TTLL5: variants seen among roughly 807,000 people sequenced by gnomAD.
The protein encoded by TTLL5 is tubulin tyrosine ligase like 5.
In TTLL5, 132 loss-of-function variants were observed where a neutral mutation model predicts 168.4. The observed-to-expected ratio is 0.78, with a 90% CI of 0.68 to 0.91. The LOEUF (loss-of-function observed/expected upper bound fraction) is 0.91. TTLL5 is among the 40% of genes least tolerant of loss of function. The pLI is 0.00. For missense variants in TTLL5, 1,545 were observed against 1,581.5 expected (o/e 0.98, Z 0.39); for synonymous variants, 546 against 558.6 (o/e 0.98, Z 0.32).
chr14:75,916,138 T>C (rs1189355479), intron 31 of TTLL5, among the ~76,000 whole-genome samples: 1 of 119,538 alleles, frequency 8.4e-6, no homozygotes, highest in Non-Finnish European at 1.6e-5. Flanking sequence ...AACAGAGAGA[T>C]AGAGAGGGAT....
At chr14:75,863,027 C>G (rs1263928659) in intron 28 of TTLL5, among the ~76,000 whole-genome samples, 1 of 152,150 alleles carries the variant, frequency 6.6e-6, no homozygotes, top group African/African-American at 2.4e-5. Flanking sequence ...ACTGACTACT[C>G]AAAAAGGCCA....
At chr14:75,865,387 G>A (rs1432973445) in intron 29 of TTLL5, among the ~76,000 whole-genome samples, 2 of 151,878 alleles carry the variant, frequency 1.3e-5, no homozygotes. Flanking sequence ...AAGTATCACT[G>A]TATAGCCTGA....
intron 25 of TTLL5, 110 bp downstream of exon 25, chr14:75,782,683 G>T (rs1336260527): frequency 4.6e-6 from 4 of 877,558 alleles, no homozygotes; most frequent in Non-Finnish European, 5.0e-6. Flanking sequence ...TTACCCCAAA[G>T]AAATATTTTT....
chr14:75,667,967 G>GT (rs1883418007), intron 2 of TTLL5, among the ~76,000 whole-genome samples: 1 of 151,902 alleles, frequency 6.6e-6, no homozygotes, highest in East Asian at 1.9e-4. Context: ...CACCATGTTG[G>GT]CCAGGATGGT....
rs534337995 is a variant in TTLL5, at chr14:75,737,734, A to G, written c.1281+2445A>G. On this transcript the variant is annotated intron_variant, in intron 15 of 31. Coordinates refer to ENST00000298832, the MANE Select transcript of TTLL5 (RefSeq NM_015072.5). ...CTATTTTTTTGCGCAGTTTAATAAC[A>G]AAGTGAATGAAAATGAATGCATAGA... 1.1e-4 allele frequency: 107 copies of G among 950,796 alleles called. No individual in the cohort carries two copies. In the African/African-American group the frequency reaches 1.4e-3, roughly 13 times the overall value. The allele number at this position is 950,796 out of a possible 1,614,324, so 58.9% of individuals were successfully genotyped here.
At chr14:75,820,379 T>G (rs894753217) in intron 28 of TTLL5, among the ~76,000 whole-genome samples, 2 of 152,208 alleles carry the variant, frequency 1.3e-5, no homozygotes, top group Non-Finnish European at 2.9e-5. Context: ...CTGAGATAGT[T>G]AAGAAAATCA....
At chr14:75,791,146 T>C in intron 26 of TTLL5, among the ~76,000 whole-genome samples, 1 of 145,694 alleles carries the variant, frequency 6.9e-6, no homozygotes, top group African/African-American at 2.7e-5. Context: ...TATTACTACA[T>C]AAACTTGAAA....
intron 12 of TTLL5, among the ~76,000 whole-genome samples, chr14:75,730,512 A>G (rs772289277): frequency 6.6e-6 from 1 of 152,214 alleles, no homozygotes; most frequent in Non-Finnish European, 1.5e-5. Flanking sequence ...TATAATTACT[A>G]TGGAAGCCAA....
intron 28 of TTLL5, among the ~76,000 whole-genome samples, chr14:75,843,845 T>C (rs1026275684): frequency 2.0e-5 from 3 of 150,474 alleles, no homozygotes; most frequent in African/African-American, 7.3e-5. Flanking sequence ...TTTCTCATTT[T>C]ATATTTATTT....
chr14:75,736,350 ATTTTC>A (rs1888906940), intron 15 of TTLL5, among the ~76,000 whole-genome samples: 2 of 151,854 alleles, frequency 1.3e-5, no homozygotes, highest in South Asian at 4.2e-4. Flanking sequence ...GAGTAGTGCT[ATTTTC>A]TGTTTGCGAA....
At chr14:75,696,112 ACTC>A (rs1406662227) in intron 6 of TTLL5, among the ~76,000 whole-genome samples, 1 of 151,426 alleles carries the variant, frequency 6.6e-6, no homozygotes, top group Admixed American at 6.6e-5. Context: ...CTGGTCTTGA[ACTC>A]CTGGCCTCAA....
In TTLL5 at chr14:75,746,995, C is replaced by T. The variant is rs184205772; in HGVS notation, c.1487+1414C>T. On this transcript the variant is annotated intron_variant, in intron 17 of 31. Coordinates refer to ENST00000298832, the MANE Select transcript of TTLL5 (RefSeq NM_015072.5). Reference sequence around the variant, plus strand: ...TATTCAAATTTGGAAACCTTTTGGCCTTTATTTCTTCAAATATTTTTTTCT... The same window carrying T: ...TATTCAAATTTGGAAACCTTTTGGCTTTTATTTCTTCAAATATTTTTTTCT... Among the ~76,000 whole-genome samples the T allele has an allele frequency of 6.0e-4, 91 of 152,248 alleles. 1 individual carries two copies. Among genetic ancestry groups the T allele is most frequent in the African/African-American group, 2.1e-3 (88 of 41,548 alleles).
intron 9 of TTLL5, among the ~76,000 whole-genome samples, chr14:75,715,806 A>ATT (rs201410772): frequency 4.0e-4 from 58 of 146,572 alleles, no homozygotes; most frequent in South Asian, 8.7e-4. Flanking sequence ...AAGAAACATG[A>ATT]TTTTTTTTTT....
chr14:75,695,013 G>A (rs955606363), intron 6 of TTLL5, among the ~76,000 whole-genome samples: 1 of 152,214 alleles, frequency 6.6e-6, no homozygotes, highest in Non-Finnish European at 1.5e-5. Context: ...CAGGATAACA[G>A]TGATGTTCAT....
At chr14:75,741,712 C>T (rs1001360713) in intron 15 of TTLL5, among the ~76,000 whole-genome samples, 1 of 151,990 alleles carries the variant, frequency 6.6e-6, no homozygotes, top group African/African-American at 2.4e-5. Flanking sequence ...TCTCAGAGCT[C>T]TTAAATACCC....
At chr14:75,737,707 A>C in intron 15 of TTLL5, 1 of 1,277,362 alleles carries the variant, frequency 7.8e-7, no homozygotes, top group Non-Finnish European at 1.1e-6. Context: ...ATTTTTATGT[A>C]CCTATTTTTT....
At chr14:75,690,736 C>T (rs1469225729) in intron 6 of TTLL5, among the ~76,000 whole-genome samples, 1 of 152,026 alleles carries the variant, frequency 6.6e-6, no homozygotes, top group African/African-American at 2.4e-5. Context: ...CCTTCCTCCT[C>T]AACCTCCCAA....
chr14:75,863,110 A>G (rs373726341), intron 28 of TTLL5, among the ~76,000 whole-genome samples: 3 of 152,108 alleles, frequency 2.0e-5, no homozygotes, highest in African/African-American at 7.3e-5. Flanking sequence ...ATTTGGAATA[A>G]TGAAAAAAAG....
chr14:75,948,764 G>A (rs186001301), intron 31 of TTLL5, among the ~76,000 whole-genome samples: 3 of 152,170 alleles, frequency 2.0e-5, no homozygotes, highest in Non-Finnish European at 1.5e-5. Flanking sequence ...TACATGCTTC[G>A]GAGATTAAAC....
Sources: allele counts gnomAD v4.1 joint callset (sites outside exome capture counted in the v4.1 genomes callset), GRCh38; gene constraint gnomAD v4.1.1; transcripts MANE v1.5; gene names NCBI Gene and HGNC (gene_info 2026-07-23, HGNC 2026-07-21).